The following GCC2 variants were observed in gnomAD, a reference collection of about 807,000 sequenced individuals.
GCC2 encodes the protein GRIP and coiled-coil domain containing 2, also known as GRIP and coiled-coil domain-containing protein 2.
In GCC2, 120 loss-of-function variants were observed where a neutral mutation model predicts 210.6. That is an observed-to-expected ratio of 0.57 (90% CI 0.49 to 0.66). The LOEUF (loss-of-function observed/expected upper bound fraction) is 0.66. GCC2 is among the 30% of genes least tolerant of loss of function. The probability of loss-of-function intolerance (pLI) is 0.00; values close to 1 mark genes in which losing one functional copy is unlikely to be tolerated. For missense variants in GCC2, 1,868 were observed against 1,871.9 expected (o/e 1.00, Z 0.04); for synonymous variants, 703 against 652.7 (o/e 1.08, Z -1.17).
intron 7 of GCC2, among the ~76,000 whole-genome samples, chr2:108,473,892 G>A (rs932592950): frequency 2.0e-5 from 3 of 152,238 alleles, no homozygotes; most frequent in African/African-American, 7.2e-5. Flanking sequence ...GGTGGCTCAC[G>A]CCTATAATCC....
chr2:108,472,607 CTT>C (rs201363071), intron 6 of GCC2, among the ~76,000 whole-genome samples: 2 of 141,364 alleles, frequency 1.4e-5, no homozygotes, highest in African/African-American at 2.6e-5. Flanking sequence ...TTGGTTACTA[CTT>C]TTTTTTTTTT....
Position 108,449,707 on chromosome 2 carries a change from A to G in GCC2, c.63+18A>G, listed in dbSNP as rs760715372. ...AATCTAAGGTGAAGAGAATACTTGA[A>G]TAGCGGGCTTCCTGAAGAGTGGAAG... On this transcript the variant is annotated intron_variant, in intron 2 of 22. Transcript: ENST00000309863. 1 of 1,605,542 alleles carries G rather than the reference A, an allele frequency of 6.2e-7. No individual in the cohort carries two copies. Among genetic ancestry groups the G allele is most frequent in the Non-Finnish European group, 8.5e-7 (1 of 1,172,284 alleles).
chr2:108,507,624 T>C lies in GCC2; in HGVS notation c.5049T>C (p.Leu1683=), dbSNP rs771001974. The C allele has an allele frequency of 3.8e-6, 6 of 1,586,480 alleles. No homozygotes were observed. The African/African-American group carries it at 6.7e-5, about 18-fold the overall frequency. Reference sequence around the variant, plus strand: ...CCTATCTTCATAGTTGGTCTGGACTTCGATAGGTTGATGGAAGGAATATTT... The same window carrying C: ...CCTATCTTCATAGTTGGTCTGGACTCCGATAGGTTGATGGAAGGAATATTT... ...WASYLHSWSG[L]R Residue 1683 remains leucine (L), a synonymous_variant, in exon 23 of 23, where the codon CTT becomes CTC. Coordinates refer to ENST00000309863, the MANE Select transcript of GCC2 (RefSeq NM_181453.4).
rs762213492 is a variant in GCC2, at chr2:108,472,030, T to C, written c.2701T>C (p.Cys901Arg). The C allele has an allele frequency of 3.1e-6, 5 of 1,594,068 alleles. No homozygotes were observed. The highest frequency in any genetic ancestry group is 4.3e-6 in the Non-Finnish European group (5 of 1,174,168). Residue 901 changes from cysteine to arginine, a missense_variant, in exon 6 of 23, where the codon TGT (cysteine) becomes CGT (arginine). By Grantham distance (180) the Cys-to-Arg change is radical. Transcript: ENST00000309863. ...KSEIHNEKEK[C>R]FIKEHENLKP... is the part of the protein sequence containing the mutation. ...TGAAATCCATAATGAAAAAGAAAAATGTTTTATAAAGGAACATGAAAACCT... is the reference window on the plus strand; with the variant it reads ...TGAAATCCATAATGAAAAAGAAAAACGTTTTATAAAGGAACATGAAAACCT...
chr2:108,500,743 C>A (rs1254170351), intron 22 of GCC2, among the ~76,000 whole-genome samples: 1 of 152,222 alleles, frequency 6.6e-6, no homozygotes, highest in Non-Finnish European at 1.5e-5. Context: ...TATAATCTCT[C>A]TTGCGTTGTC....
Position 108,470,918 on chromosome 2 carries a change from A to C in GCC2, c.1589A>C (p.Lys530Thr). Reference protein sequence around the residue: ...QQKLRTAFTEKDALLETVNRL... With the variant: ...QQKLRTAFTETDALLETVNRL... ...AAGCTCAGAACTGCTTTTACTGAAAAAGATGCCCTTCTCGAAACTGTGAAT... is the reference window on the plus strand; with the variant it reads ...AAGCTCAGAACTGCTTTTACTGAAACAGATGCCCTTCTCGAAACTGTGAAT... Residue 530 changes from lysine (K) to threonine (T), a missense_variant, in exon 6 of 23, where the codon AAA (lysine) becomes ACA (threonine). Physicochemically the swap from Lys to Thr is moderately conservative, Grantham distance 78. Around this residue, in one of 3 missense-constraint regions of GCC2, gnomAD observed 1,847 missense variants for 1,765.2 expected, o/e 1.05. Transcript: ENST00000309863. 1 of 1,613,618 alleles carries C rather than the reference A, an allele frequency of 6.2e-7. No individual in the cohort carries two copies. The highest frequency in any genetic ancestry group is 8.5e-7 in the Non-Finnish European group (1 of 1,179,706).
intron 4 of GCC2, among the ~76,000 whole-genome samples, chr2:108,466,467 T>C (rs1680893765): frequency 1.3e-5 from 2 of 151,752 alleles, no homozygotes; most frequent in Non-Finnish European, 2.9e-5. Context: ...GTTTCTTTTT[T>C]ATTTATTTAT....
chr2:108,449,541 A>G (rs1010507734), intron 1 of GCC2, 92 bp from the exon 2 acceptor site: 6 of 1,368,962 alleles, frequency 4.4e-6, no homozygotes, highest in African/African-American at 2.9e-5. Flanking sequence ...ACTTGATTCC[A>G]TAGAAGGTTT....
At chr2:108,504,161 T>C (rs1369569339) in intron 22 of GCC2, among the ~76,000 whole-genome samples, 2 of 152,180 alleles carry the variant, frequency 1.3e-5, no homozygotes, top group Non-Finnish European at 2.9e-5. Flanking sequence ...TGTCAAACAT[T>C]AGAATATGTT....
intron 22 of GCC2, among the ~76,000 whole-genome samples, chr2:108,506,428 C>A (rs948264556): frequency 6.6e-6 from 1 of 152,130 alleles, no homozygotes; most frequent in African/African-American, 2.4e-5. Context: ...ACTATAAGGA[C>A]AGAAAACAGG....
chr2:108,470,539 TTAAAA>T lies in GCC2; in HGVS notation c.1212_1216del (p.Leu404PhefsTer2). On this transcript the variant is annotated frameshift_variant, in exon 6 of 23. Transcript: ENST00000309863. LOFTEE classifies it high-confidence loss of function. Reference sequence around the variant, plus strand: ...AGAACAGGGCTGTGTAATTGAAAAATTAAAATCTGAGCTAGCAGGTTTAAATAAAC... The same window carrying T: ...AGAACAGGGCTGTGTAATTGAAAAATTCTGAGCTAGCAGGTTTAAATAAAC... 6.2e-7 allele frequency: 1 copy of T among 1,606,456 alleles called. No individual in the cohort carries two copies. The highest frequency in any genetic ancestry group is 8.5e-7 in the Non-Finnish European group (1 of 1,177,528).
chr2:108,461,818 C>CTTTTTTTTTTCTT (rs1558732544), intron 4 of GCC2, among the ~76,000 whole-genome samples: 1 of 120,806 alleles, frequency 8.3e-6, no homozygotes, highest in African/African-American at 3.3e-5. Context: ...AATAGGTTTT[C>CTTTTTTTTTTCTT]TTTTTTTTTT....
chr2:108,469,783 T>G lies in GCC2; in HGVS notation c.454T>G (p.Leu152Val). Reference protein sequence around the residue: ...RSKYSEDKANLQKQLEEAMNT... With the variant: ...RSKYSEDKANVQKQLEEAMNT... Reference sequence around the variant, plus strand: ...CAAATACAGTGAAGACAAAGCTAACTTACAAAAGCAGCTGGAAGAAGCAAT... The same window carrying G: ...CAAATACAGTGAAGACAAAGCTAACGTACAAAAGCAGCTGGAAGAAGCAAT... The change falls in exon 6 of 23, where the codon TTA becomes GTA. Residue 152 changes from leucine to valine, a missense_variant. By Grantham distance (32) the Leu-to-Val change is conservative. Transcript: ENST00000309863. The G allele has an allele frequency of 6.2e-7, 1 of 1,613,842 alleles. No homozygotes were observed. Among genetic ancestry groups the G allele is most frequent in the Non-Finnish European group, 8.5e-7 (1 of 1,179,842 alleles).
intron 4 of GCC2, among the ~76,000 whole-genome samples, chr2:108,464,599 T>G (rs1313438472): frequency 6.6e-6 from 1 of 152,198 alleles, no homozygotes; most frequent in Non-Finnish European, 1.5e-5. Context: ...ACTTAGCCTT[T>G]CTGAGCATTG....
At position 108,475,289 on chromosome 2, in the gene GCC2, CAT is replaced by C. The variant is rs1306428244; in HGVS notation, c.2861-243_2861-242del. ...CCTGAAAGCCTCTAATTCCTGGAAA[CAT>C]ATGAAACGGCTAGAAAAAAGTAGAC... is the stretch of plus-strand genomic sequence containing the variant. On this transcript the variant is annotated intron_variant, in intron 7 of 22. Coordinates refer to ENST00000309863, the MANE Select transcript of GCC2 (RefSeq NM_181453.4). The C allele has an allele frequency of 1.2e-4, 30 of 255,958 alleles. No individual in the cohort carries two copies. In the East Asian group the frequency reaches 1.5e-3, roughly 12 times the overall value. 15.9% of individuals were successfully genotyped at this position (255,958 alleles called of 1,614,324 possible). A position where few individuals can be genotyped will look rare whatever the true frequency, so the allele number is the denominator to read the frequency against.
chr2:108,500,281 G>A (rs1169898790), intron 22 of GCC2, among the ~76,000 whole-genome samples: 2 of 152,116 alleles, frequency 1.3e-5, no homozygotes, highest in African/African-American at 2.4e-5. Context: ...TTGGGAGGCC[G>A]AGGCAGGCGG....
At chr2:108,458,323 T>G (rs1012364139) in intron 4 of GCC2, among the ~76,000 whole-genome samples, 3 of 151,548 alleles carry the variant, frequency 2.0e-5, no homozygotes, top group Non-Finnish European at 4.4e-5. Flanking sequence ...TGCCAGTATT[T>G]TGCTGAGGAT....
At chr2:108,463,097 T>C (rs568336943) in intron 4 of GCC2, among the ~76,000 whole-genome samples, 42 of 152,254 alleles carry the variant, frequency 2.8e-4, no homozygotes, top group African/African-American at 1.0e-3. Flanking sequence ...ATATCCTGAA[T>C]TGTTTTTCTG....
chr2:108,487,073 G>A (rs1317846471), intron 16 of GCC2, among the ~76,000 whole-genome samples: 1 of 152,126 alleles, frequency 6.6e-6, no homozygotes, highest in Non-Finnish European at 1.5e-5. Context: ...AGCAATCCTG[G>A]CAACACTGTT....
Sources: allele counts gnomAD v4.1 joint callset (sites outside exome capture counted in the v4.1 genomes callset), GRCh38; gene constraint gnomAD v4.1.1; regional missense constraint gnomAD v4.1.1; transcripts MANE v1.5; gene names NCBI Gene and HGNC (gene_info 2026-07-23, HGNC 2026-07-21).